The following PSAT1 variants were observed in gnomAD, a reference collection of about 807,000 sequenced individuals.
The protein encoded by PSAT1 is phosphoserine aminotransferase.
Under a neutral mutation model 40.3 loss-of-function variants are expected in PSAT1, and 41 were observed. The ratio of observed to expected loss-of-function variants is 1.02; its 90% confidence interval spans 0.79 to 1.32. PSAT1 has a LOEUF of 1.32. PSAT1 is among the 40% of genes most tolerant of loss of function. The pLI, the probability that PSAT1 is intolerant of heterozygous loss-of-function variation, is 0.00. For missense variants in PSAT1, 406 were observed against 455.8 expected, an observed-to-expected ratio of 0.89 and a Z score of 0.99; for synonymous variants, 147 against 170.5, an observed-to-expected ratio of 0.86 and a Z score of 1.07.
intron 1 of PSAT1, among the ~76,000 whole-genome samples, chr9:78,299,616 G>A (rs1297433885): frequency 6.9e-6 from 1 of 145,238 alleles, no homozygotes; most frequent in Non-Finnish European, 1.5e-5. Context: ...GGGTTCCAGC[G>A]ATTCTTCTGC....
chr9:78,303,958 T>C (rs1828144028), intron 3 of PSAT1, among the ~76,000 whole-genome samples: 1 of 152,198 alleles, frequency 6.6e-6, no homozygotes, highest in South Asian at 2.1e-4. Flanking sequence ...ATCTTACTTT[T>C]TCATCCTGGA....
intron 6 of PSAT1, 57 bp from the exon 7 acceptor site, chr9:78,317,619 A>G (rs1035588925): frequency 6.9e-6 from 11 of 1,588,300 alleles, no homozygotes; most frequent in African/African-American, 5.4e-5. Context: ...TTGCTTGAAT[A>G]TAGTTCTACT....
Position 78,306,301 on chromosome 9 carries a change from T to A in PSAT1, c.398-13T>A. ...TGAAAAGTGCAAAGTCTCAAACTTG[T>A]CTTCTGTGATAGAAATTCCAGATCC... On this transcript the variant is annotated splice_polypyrimidine_tract_variant and intron_variant, in intron 4 of 8. Transcript: ENST00000376588. 1 of 1,612,056 alleles carries A rather than the reference T, an allele frequency of 6.2e-7. No homozygotes were observed.
chr9:78,328,956 A>G, intron 8 of PSAT1, 25 bp from the exon 9 acceptor site: 1 of 1,584,434 alleles, frequency 6.3e-7, no homozygotes, highest in South Asian at 1.1e-5. Context: ...TTTGTTCTCA[A>G]TGCCTGGATC....
At chr9:78,310,011 C>T (rs1435671173) in intron 6 of PSAT1, among the ~76,000 whole-genome samples, 2 of 152,140 alleles carry the variant, frequency 1.3e-5, no homozygotes, top group South Asian at 2.1e-4. Flanking sequence ...AAATTTTGCA[C>T]TGAGTACCTG....
At chr9:78,306,035 C>T (rs898889039) in intron 4 of PSAT1, among the ~76,000 whole-genome samples, 1 of 152,184 alleles carries the variant, frequency 6.6e-6, no homozygotes, top group African/African-American at 2.4e-5. Flanking sequence ...ATATCTGGGA[C>T]TATGGGCACA....
At chr9:78,298,180 A>AC in intron 1 of PSAT1, 1 of 88,284 alleles carries the variant, frequency 1.1e-5, no homozygotes. Flanking sequence ...CGCCAAACCC[A>AC]CCGTCCCCAG....
chr9:78,317,279 A>G (rs3780191), intron 6 of PSAT1, among the ~76,000 whole-genome samples: 30,857 of 151,652 alleles, frequency 0.2, 2,873 homozygotes, highest in East Asian at 0.33. Flanking sequence ...TGGAGACAGG[A>G]TCTCGCTCTG....
intron 7 of PSAT1, among the ~76,000 whole-genome samples, chr9:78,319,926 A>AT (rs1415446664): frequency 1.3e-5 from 2 of 152,048 alleles, no homozygotes; most frequent in African/African-American, 4.8e-5. Flanking sequence ...CTATTTATTC[A>AT]TTCATTCATC....
In PSAT1 at chr9:78,328,143, T is replaced by C; in HGVS notation, c.962T>C (p.Leu321Pro). The C allele has an allele frequency of 5.6e-6, 9 of 1,613,540 alleles. No homozygotes were observed. Among genetic ancestry groups the C allele is most frequent in the Non-Finnish European group, 6.8e-6 (8 of 1,179,996 alleles). ...KGDDALEKRF[L>P]DKALELNMLS... ...GATGATGCTTTAGAAAAAAGATTTC[T>C]TGATAAAGCTCTTGAACTCAATATG... Residue 321 changes from leucine to proline, a missense_variant, in exon 8 of 9, where the codon CTT (leucine) becomes CCT (proline). Transcript: ENST00000376588.
intron 1 of PSAT1, among the ~76,000 whole-genome samples, chr9:78,297,938 C>T (rs929077865): frequency 6.6e-6 from 1 of 152,024 alleles, no homozygotes; most frequent in African/African-American, 2.4e-5. Flanking sequence ...ATAGAACCTA[C>T]CCTTTCCTAA....
intron 6 of PSAT1, among the ~76,000 whole-genome samples, chr9:78,311,621 C>T (rs1400144846): frequency 6.6e-6 from 1 of 151,962 alleles, no homozygotes; most frequent in Non-Finnish European, 1.5e-5. Context: ...ATCACAAGGT[C>T]AGGAAATCGA....
chr9:78,320,061 A>G (rs1828404048), intron 7 of PSAT1, among the ~76,000 whole-genome samples: 1 of 150,632 alleles, frequency 6.6e-6, no homozygotes, highest in Admixed American at 6.6e-5. Flanking sequence ...TCCATCCACC[A>G]TTGACCCACC....
chr9:78,328,988 G>A lies in PSAT1; in HGVS notation c.1015G>A (p.Gly339Arg). 1.2e-6 allele frequency: 2 copies of A among 1,613,376 alleles called. No individual in the cohort carries two copies. Among genetic ancestry groups the A allele is most frequent in the Non-Finnish European group, 1.7e-6 (2 of 1,179,390 alleles). Residue 339 changes from glycine (G) to arginine (R), a missense_variant, in exon 9 of 9, where the codon GGA becomes AGA. Gly to Arg is a moderately radical substitution (Grantham distance 125). Transcript: ENST00000376588. ...MLSLKGHRSV[G>R]GIRASLYNAV... Reference sequence around the variant, plus strand: ...GATCTTTGGTCATTCTAGGTCTGTGGGAGGCATCCGGGCCTCTCTGTATAA... The same window carrying A: ...GATCTTTGGTCATTCTAGGTCTGTGAGAGGCATCCGGGCCTCTCTGTATAA...
chr9:78,315,006 G>A (rs918346974), intron 6 of PSAT1, among the ~76,000 whole-genome samples: 2 of 149,594 alleles, frequency 1.3e-5, no homozygotes, highest in African/African-American at 4.9e-5. Context: ...GGGTGAACAG[G>A]CTGCAGGTGT....
chr9:78,300,797 C>T, intron 2 of PSAT1, 135 bp downstream of exon 2: 12 of 1,359,396 alleles, frequency 8.8e-6, no homozygotes, highest in Non-Finnish European at 1.1e-5. Context: ...TTCACTGCAG[C>T]CTCCAACTCC....
rs1465614317 is a variant in PSAT1, at chr9:78,329,509, G to A, written c.*423G>A. 1 of 235,964 alleles carries A rather than the reference G, an allele frequency of 4.2e-6. No homozygotes were observed. The highest frequency in any genetic ancestry group is 8.4e-6 in the Non-Finnish European group (1 of 119,524). 14.6% of individuals were successfully genotyped at this position (235,964 alleles called of 1,614,324 possible). A position where few individuals can be genotyped will look rare whatever the true frequency, so the allele number is the denominator to read the frequency against. ...ATCTGTGGGGTCTCCTGGGTTCAGCGGCTGTTGATTCAAGGTCAACATTGA... is the reference window on the plus strand; with the variant it reads ...ATCTGTGGGGTCTCCTGGGTTCAGCAGCTGTTGATTCAAGGTCAACATTGA... On this transcript the variant is annotated 3_prime_UTR_variant, in exon 9 of 9. Transcript: ENST00000376588.
Position 78,297,194 on chromosome 9 carries a change from G to T in PSAT1, c.-17G>T, listed in dbSNP as rs754204669. Reference sequence around the variant, plus strand: ...TTCGGTCCTCCTTGGCTGACTCACCGCCCTGGCCGCCGCACCATGGACGCC... The same window carrying T: ...TTCGGTCCTCCTTGGCTGACTCACCTCCCTGGCCGCCGCACCATGGACGCC... On this transcript the variant is annotated 5_prime_UTR_variant, in exon 1 of 9. Coordinates refer to ENST00000376588, the MANE Select transcript of PSAT1 (RefSeq NM_058179.4). 1.3e-6 allele frequency: 2 copies of T among 1,593,902 alleles called. No homozygotes were observed. The highest frequency in any genetic ancestry group is 3.4e-5 in the Admixed American group (2 of 58,428).
chr9:78,317,677 A>T lies in PSAT1; in HGVS notation c.742A>T (p.Ile248Phe). ...ATTTTTTAAAAATCTTCATTTTAGC[A>T]TCTACGTCATGGGCTTGGTTCTGGA... is the stretch of plus-strand genomic sequence containing the variant. ...SLYNTPPCFS[I>F]YVMGLVLEWI... Residue 248 changes from isoleucine (I) to phenylalanine (F), a missense_variant and splice_region_variant, in exon 7 of 9, where the codon ATC (isoleucine) becomes TTC (phenylalanine). Coordinates refer to ENST00000376588, the MANE Select transcript of PSAT1 (RefSeq NM_058179.4). The T allele has an allele frequency of 6.2e-7, 1 of 1,613,460 alleles. No homozygotes were observed.
Sources: gnomAD v4.1 joint callset for allele counts (sites outside exome capture counted in the v4.1 genomes callset) on GRCh38, gnomAD v4.1.1 for gene constraint, MANE v1.5 for transcripts, NCBI Gene and HGNC (gene_info 2026-07-23, HGNC 2026-07-21) for gene names.